Variants in ZMYM4 observed in about 807,000 individuals in gnomAD.
ZMYM4 encodes the protein zinc finger MYM-type protein 4.
ZMYM4 carries 31 observed loss-of-function variants against 183.2 expected under a neutral mutation model. That is an observed-to-expected ratio of 0.17 (90% CI 0.13 to 0.23). ZMYM4 has a LOEUF of 0.23. Among genes scored for constraint, ZMYM4 ranks in the 10% least tolerant of loss-of-function variants. ZMYM4 has a pLI of 1.00. For synonymous variants in ZMYM4, 592 were observed against 631.2 expected (o/e 0.94, Z 0.93); for missense variants, 1,273 against 1,840.3 (o/e 0.69, Z 5.64).
chr1:35,286,895 T>A (rs745857681), intron 1 of ZMYM4, among the ~76,000 whole-genome samples: 17 of 143,850 alleles, frequency 1.2e-4, no homozygotes, highest in Non-Finnish European at 1.8e-4. Context: ...TCCCAAAGAT[T>A]ATAGGTGTGA....
chr1:35,406,641 C>G (rs150445914), intron 25 of ZMYM4, among the ~76,000 whole-genome samples: 2 of 152,296 alleles, frequency 1.3e-5, no homozygotes, highest in Admixed American at 6.5e-5. Flanking sequence ...CCATTTCTAC[C>G]ACTCTTTCAT....
intron 1 of ZMYM4, among the ~76,000 whole-genome samples, chr1:35,279,585 G>A (rs922157753): frequency 1.3e-5 from 2 of 152,232 alleles, no homozygotes; most frequent in East Asian, 1.9e-4. Context: ...CCAGTTAATC[G>A]TTGTTTCCTT....
At chr1:35,365,320 G>C (rs1358017969) in intron 5 of ZMYM4, among the ~76,000 whole-genome samples, 1 of 148,844 alleles carries the variant, frequency 6.7e-6, no homozygotes, top group Non-Finnish European at 1.5e-5. Context: ...ACCAAGGGAA[G>C]GTTTCAAAAT....
At chr1:35,406,883 C>T (rs1645011987) in intron 25 of ZMYM4, among the ~76,000 whole-genome samples, 1 of 152,086 alleles carries the variant, frequency 6.6e-6, no homozygotes, top group Non-Finnish European at 1.5e-5. Context: ...AGTAGGACCT[C>T]TACAAATCAA....
intron 2 of ZMYM4, chr1:35,351,508 G>C (rs1393927764): frequency 6.9e-7 from 1 of 1,449,924 alleles, no homozygotes; most frequent in Admixed American, 1.8e-5. Context: ...AAAAGAAGAG[G>C]TGGAACCATC....
chr1:35,318,304 C>CA (rs1642142152), intron 1 of ZMYM4, among the ~76,000 whole-genome samples: 1 of 151,838 alleles, frequency 6.6e-6, no homozygotes, highest in South Asian at 2.1e-4. Context: ...GTGATCCACC[C>CA]ACCTTGGCCT....
At chr1:35,393,511 A>G in intron 17 of ZMYM4, 84 bp from the exon 18 acceptor site, 1 of 1,272,172 alleles carries the variant, frequency 7.9e-7, no homozygotes, top group Non-Finnish European at 1.1e-6. Context: ...CCAATATGAC[A>G]TTTCCTTTAA....
intron 1 of ZMYM4, among the ~76,000 whole-genome samples, chr1:35,321,961 A>G (rs1421559632): frequency 6.6e-6 from 1 of 152,038 alleles, no homozygotes; most frequent in East Asian, 1.9e-4. Flanking sequence ...TGCATTTAAA[A>G]AAAAAAAAGC....
In ZMYM4 at chr1:35,389,781, A is replaced by G. The variant is rs1188622; in HGVS notation, c.2437-167A>G. On this transcript the variant is annotated intron_variant, in intron 14 of 29. Coordinates refer to ENST00000314607, the MANE Select transcript of ZMYM4 (RefSeq NM_005095.3). The surrounding 1 kb of genome is among the most constrained non-coding windows in gnomAD (Gnocchi z 4.0). ...AAAAAAAAAAAAAATATATATATAT[A>G]TGTGTGTGTGTGTGTGTGTGTGTGT... Among the ~76,000 whole-genome samples the G allele has an allele frequency of 7.4e-3, 1,040 of 141,392 alleles. 8 individuals carry two copies. Among genetic ancestry groups the G allele is most frequent in the Middle Eastern group, 0.011 (3 of 284 alleles). 92.8% of individuals were successfully genotyped at this position (141,392 alleles called of 152,430 possible).
At chr1:35,368,293 T>C (rs910239716) in intron 5 of ZMYM4, among the ~76,000 whole-genome samples, 1 of 152,154 alleles carries the variant, frequency 6.6e-6, no homozygotes, top group East Asian at 1.9e-4. Flanking sequence ...AATGTATTAT[T>C]ATAAAAATGA....
At chr1:35,364,087 T>C (rs1439767657) in intron 5 of ZMYM4, among the ~76,000 whole-genome samples, 1 of 152,208 alleles carries the variant, frequency 6.6e-6, no homozygotes, top group East Asian at 1.9e-4. Context: ...ATGGAACAGA[T>C]AGAAACACTT....
intron 1 of ZMYM4, among the ~76,000 whole-genome samples, chr1:35,293,569 G>A (rs1026700732): frequency 6.6e-6 from 1 of 151,954 alleles, no homozygotes; most frequent in Non-Finnish European, 1.5e-5. Context: ...CACCTGCCTC[G>A]GCCTCCCAAA....
In ZMYM4 at chr1:35,410,527, C is replaced by A. The variant is rs190792922; in HGVS notation, c.3948+2368C>A. Among the ~76,000 whole-genome samples the A allele has an allele frequency of 3.9e-3, 594 of 151,910 alleles. 3 individuals are homozygous for A. Among genetic ancestry groups the A allele is most frequent in the Non-Finnish European group, 4.8e-3 (328 of 67,988 alleles). ...ATTTTGAGATGGAGTCTCGCTCTGT[C>A]GCCCAGGCTGGAGTGCAGTGACACC... is the stretch of plus-strand genomic sequence containing the variant. On this transcript the variant is annotated intron_variant, in intron 26 of 29. Coordinates refer to ENST00000314607, the MANE Select transcript of ZMYM4 (RefSeq NM_005095.3).
chr1:35,314,470 A>T (rs1641948950), intron 1 of ZMYM4, among the ~76,000 whole-genome samples: 2 of 151,384 alleles, frequency 1.3e-5, no homozygotes, highest in African/African-American at 4.9e-5. Flanking sequence ...TTTTTAGTAG[A>T]GACGGGGTTT....
At chr1:35,381,864 G>T (rs1644465214) in intron 9 of ZMYM4, 106 bp downstream of exon 9, 3 of 1,357,760 alleles carry the variant, frequency 2.2e-6, no homozygotes. Flanking sequence ...GGGTTTACTG[G>T]CCAAGTGCCA....
At chr1:35,365,931 A>G (rs1421430462) in intron 5 of ZMYM4, 1 of 152,216 alleles carries the variant, frequency 6.6e-6, no homozygotes, top group African/African-American at 2.4e-5. Context: ...CTTAAGATGT[A>G]TACTATTTTA....
chr1:35,357,796 G>A (rs1271865443), intron 2 of ZMYM4, among the ~76,000 whole-genome samples: 1 of 152,184 alleles, frequency 6.6e-6, no homozygotes, highest in Non-Finnish European at 1.5e-5. Flanking sequence ...TATAAGAAAG[G>A]TCTAAGCTTA....
chr1:35,409,267 T>C (rs1639771713), intron 26 of ZMYM4, among the ~76,000 whole-genome samples: 2 of 152,256 alleles, frequency 1.3e-5, no homozygotes, highest in South Asian at 4.1e-4. Flanking sequence ...TTTGAACACC[T>C]ATTTTCAATT....
intron 7 of ZMYM4, among the ~76,000 whole-genome samples, chr1:35,371,373 C>T (rs1378655453): frequency 6.6e-6 from 1 of 152,104 alleles, no homozygotes; most frequent in Non-Finnish European, 1.5e-5. Context: ...GCCTCAGCCT[C>T]CCAAAGTGCT....
Sources: gnomAD v4.1 joint callset for allele counts (sites outside exome capture counted in the v4.1 genomes callset) on GRCh38, gnomAD v4.1.1 for gene constraint, Gnocchi (gnomAD v3.1) non-coding constraint, MANE v1.5 for transcripts, NCBI Gene and HGNC (gene_info 2026-07-23, HGNC 2026-07-21) for gene names.